The following SPTBN1 variants were observed in gnomAD, a reference collection of about 807,000 sequenced individuals.
SPTBN1 encodes spectrin beta, non-erythrocytic 1.
In SPTBN1, 32 loss-of-function variants were observed where a neutral mutation model predicts 266.4. That is an observed-to-expected ratio of 0.12 (90% CI 0.09 to 0.16). The LOEUF (loss-of-function observed/expected upper bound fraction) is 0.16, where lower values mean the gene tolerates loss of function less well. SPTBN1 is among the 10% of genes least tolerant of loss of function. The pLI is 1.00. For missense variants in SPTBN1, 2,296 were observed against 3,067.1 expected, an observed-to-expected ratio of 0.75 and a Z score of 5.94; for synonymous variants, 1,336 against 1,162.2, an observed-to-expected ratio of 1.15 and a Z score of -3.04.
chr2:54,596,420 C>T (rs1676096163), intron 2 of SPTBN1, among the ~76,000 whole-genome samples: 1 of 152,220 alleles, frequency 6.6e-6, no homozygotes, highest in Admixed American at 6.5e-5. Flanking sequence ...TGTAAGAGGA[C>T]ACGCTAGTTG....
rs1680479505 is a variant in SPTBN1 at position 54,653,969 on chromosome 2, G to C, written c.5822+116G>C. 3 of 1,468,122 alleles carry C rather than the reference G, an allele frequency of 2.0e-6. No individual in the cohort carries two copies. The highest frequency in any genetic ancestry group is 2.7e-5 in the Admixed American group (1 of 36,904). 90.9% of individuals were successfully genotyped at this position (1,468,122 alleles called of 1,614,324 possible). ...TTCCTGCCTGAGCGCTTCAAGGCCA[G>C]AGTGGGGGTGGGGCGGTGCTTGGAG... On this transcript the variant is annotated intron_variant, in intron 27 of 35. Transcript: ENST00000356805. The surrounding 1 kb of genome is among the most constrained non-coding windows in gnomAD (Gnocchi z 5.1).
chr2:54,509,378 T>C (rs989399743), intron 1 of SPTBN1, among the ~76,000 whole-genome samples: 1 of 152,140 alleles, frequency 6.6e-6, no homozygotes, highest in African/African-American at 2.4e-5. Flanking sequence ...GCAGAAAGTA[T>C]ATGCATCAGG....
At chr2:54,544,839 C>T (rs1672143272) in intron 2 of SPTBN1, among the ~76,000 whole-genome samples, 1 of 151,984 alleles carries the variant, frequency 6.6e-6, no homozygotes. Flanking sequence ...AGGTTTGTTA[C>T]ATAGGTATAC....
chr2:54,659,214 T>C lies in SPTBN1; in HGVS notation c.6304T>C (p.Ser2102Pro). The change falls in exon 31 of 36, where the codon TCT becomes CCT. Residue 2102 changes from serine (S) to proline (P), a missense_variant. This residue lies in a region of SPTBN1 where 347 missense variants were observed against 368.5 expected (regional missense o/e 0.94). Transcript: ENST00000356805. ...AGAGGAGAGGAAGAGGCGGCCGCCT[T>C]CTCCCGAGCCGAGCACGAAGGTTTC... ...EEEERKRRPP[S>P]PEPSTKVSEE... 1 of 1,613,826 alleles carries C rather than the reference T, an allele frequency of 6.2e-7. No homozygotes were observed. The highest frequency in any genetic ancestry group is 8.5e-7 in the Non-Finnish European group (1 of 1,179,950).
At chr2:54,498,431 C>G (rs1372625213) in intron 1 of SPTBN1, among the ~76,000 whole-genome samples, 2 of 152,216 alleles carry the variant, frequency 1.3e-5, no homozygotes, top group Non-Finnish European at 2.9e-5. Context: ...CAAATTCCAG[C>G]TTCACTATCG....
chr2:54,656,030 G>C (rs1244743558), intron 29 of SPTBN1, 32 bp downstream of exon 29: 1 of 1,549,740 alleles, frequency 6.5e-7, no homozygotes, highest in Non-Finnish European at 8.9e-7. Context: ...CTGCTCTTTT[G>C]GGTATCAATG....
At chr2:54,496,254 A>G (rs1668961781) in intron 1 of SPTBN1, among the ~76,000 whole-genome samples, 1 of 152,114 alleles carries the variant, frequency 6.6e-6, no homozygotes, top group African/African-American at 2.4e-5. Context: ...CCTGGGCAAC[A>G]CAGTGAAACC....
chr2:54,604,904 G>A (rs142348600), intron 3 of SPTBN1, among the ~76,000 whole-genome samples: 2 of 152,314 alleles, frequency 1.3e-5, no homozygotes, highest in African/African-American at 2.4e-5. Context: ...TGCCTGCAGA[G>A]CCCCGATAGT....
intron 1 of SPTBN1, among the ~76,000 whole-genome samples, chr2:54,496,066 C>T (rs10496031): frequency 6.6e-6 from 1 of 151,708 alleles, no homozygotes; most frequent in Non-Finnish European, 1.5e-5. Flanking sequence ...TGTGCTATTC[C>T]CAAAAAGTAA....
At chr2:54,488,804 A>G (rs1170211503) in intron 1 of SPTBN1, among the ~76,000 whole-genome samples, 1 of 152,198 alleles carries the variant, frequency 6.6e-6, no homozygotes, top group Non-Finnish European at 1.5e-5. Flanking sequence ...TTGACTTTCA[A>G]TTATAATGAA....
Position 54,649,320 on chromosome 2 carries a change from A to C in SPTBN1, c.5202+130A>C. 1.8e-6 allele frequency: 2 copies of C among 1,120,896 alleles called. No individual in the cohort carries two copies. The highest frequency in any genetic ancestry group is 3.4e-5 in the South Asian group (2 of 58,336). The allele number at this position is 1,120,896 out of a possible 1,614,324, so 69.4% of individuals were successfully genotyped here. A position where few individuals can be genotyped will look rare whatever the true frequency, so the allele number is the denominator to read the frequency against. On this transcript the variant is annotated intron_variant, in intron 25 of 35. Coordinates refer to ENST00000356805, the MANE Select transcript of SPTBN1 (RefSeq NM_003128.3). This position sits in a 1 kb window ranked among gnomAD's most constrained non-coding sequence, Gnocchi z 6.7. ...TCAGAGGTCTTGGGGTTTAGTTTTAAGGTGGTGTTTCTTTTATAAGCTGGT... is the reference window on the plus strand; with the variant it reads ...TCAGAGGTCTTGGGGTTTAGTTTTACGGTGGTGTTTCTTTTATAAGCTGGT...
rs1188099644 is a variant in SPTBN1, at chr2:54,649,512, A to C, written c.5203-103A>C. On this transcript the variant is annotated intron_variant, in intron 25 of 35. Transcript: ENST00000356805. This position sits in a 1 kb window ranked among gnomAD's most constrained non-coding sequence, Gnocchi z 6.7. ...TCTGAAGTCATGAGTATTATTGGCT[A>C]CATCTTGCTTAGAGGCAGTTTCTTT... 1 of 1,475,688 alleles carries C rather than the reference A, an allele frequency of 6.8e-7. No homozygotes were observed. The highest frequency in any genetic ancestry group is 2.4e-5 in the East Asian group (1 of 42,306). The allele number at this position is 1,475,688 out of a possible 1,614,324, so 91.4% of individuals were successfully genotyped here. A position where few individuals can be genotyped will look rare whatever the true frequency, so the allele number is the denominator to read the frequency against.
At position 54,605,644 on chromosome 2, in the gene SPTBN1, A is replaced by G. The variant is rs564342134; in HGVS notation, c.300+6401A>G. 8.5e-5 allele frequency among the ~76,000 whole-genome samples: 13 copies of G among 152,304 alleles called. No individual in the cohort carries two copies. The East Asian group carries it at 2.5e-3, about 29-fold the overall frequency. On this transcript the variant is annotated intron_variant, in intron 3 of 35. Transcript: ENST00000356805. ...TCACCTCTTGAAATTAATTTCTTGT[A>G]ATTACTGCTTCCTAAACTTGCCCAG...
At chr2:54,488,289 G>T (rs1447433986) in intron 1 of SPTBN1, among the ~76,000 whole-genome samples, 1 of 152,116 alleles carries the variant, frequency 6.6e-6, no homozygotes, top group Non-Finnish European at 1.5e-5. Flanking sequence ...GGGCGGGAAA[G>T]TGATTTCCTT....
At chr2:54,486,711 G>A (rs1668414248) in intron 1 of SPTBN1, among the ~76,000 whole-genome samples, 1 of 143,248 alleles carries the variant, frequency 7.0e-6, no homozygotes, top group African/African-American at 2.6e-5. Flanking sequence ...ACCCAAGAAT[G>A]ATCAATTAAA....
intron 17 of SPTBN1, among the ~76,000 whole-genome samples, chr2:54,636,136 A>G (rs1313058398): frequency 6.6e-6 from 1 of 152,162 alleles, no homozygotes; most frequent in Non-Finnish European, 1.5e-5. Flanking sequence ...GGAGTTTTAT[A>G]TCATTTAATA....
chr2:54,496,486 T>G (rs550579992), intron 1 of SPTBN1, among the ~76,000 whole-genome samples: 1 of 150,344 alleles, frequency 6.7e-6, no homozygotes, highest in Non-Finnish European at 1.5e-5. Context: ...CAGCTAACAT[T>G]TTTTTTGGAA....
chr2:54,506,504 T>G (rs1669564151), intron 1 of SPTBN1, among the ~76,000 whole-genome samples: 2 of 152,154 alleles, frequency 1.3e-5, no homozygotes. Context: ...ATTTACCACT[T>G]GATGAACTGA....
intron 1 of SPTBN1, among the ~76,000 whole-genome samples, chr2:54,518,117 G>GA (rs1255549011): frequency 6.6e-6 from 1 of 152,076 alleles, no homozygotes; most frequent in Non-Finnish European, 1.5e-5. Flanking sequence ...TATGAGCAGA[G>GA]AACTCTGAAT....
Sources: gnomAD v4.1 joint callset for allele counts (sites outside exome capture counted in the v4.1 genomes callset) on GRCh38, gnomAD v4.1.1 for gene constraint, gnomAD v4.1.1 regional missense constraint, Gnocchi (gnomAD v3.1) non-coding constraint, MANE v1.5 for transcripts, NCBI Gene and HGNC (gene_info 2026-07-23, HGNC 2026-07-21) for gene names.